Variants in XKR9 observed in about 807,000 individuals in gnomAD.
The protein encoded by XKR9 is XK-related protein 9.
A neutral mutation model predicts 32.0 loss-of-function variants in XKR9; 32 were observed. The observed-to-expected ratio is 1.00, with a 90% CI of 0.76 to 1.34. The LOEUF is 1.34. Among genes scored for constraint, XKR9 ranks in the 40% most tolerant of loss-of-function variants. The pLI is 0.00. For synonymous variants in XKR9, 168 were observed against 143.4 expected (o/e 1.17, Z -1.22); for missense variants, 546 against 429.7 (o/e 1.27, Z -2.39).
At chr8:71,044,127 A>G in the XKR9 span, among the ~76,000 whole-genome samples, 1 of 152,228 alleles carries the variant, frequency 6.6e-6, no homozygotes, top group African/African-American at 2.4e-5. Flanking sequence ...ACATATGCTT[A>G]TGCCTCTAGG....
intron 4 of XKR9, among the ~76,000 whole-genome samples, chr8:70,712,763 C>T (rs1440253016): frequency 6.6e-6 from 1 of 152,122 alleles, no homozygotes. Context: ...AAAAGACAAG[C>T]CATGAATATA....
chr8:71,061,222 G>A, the XKR9 span, among the ~76,000 whole-genome samples: 2 of 152,272 alleles, frequency 1.3e-5, no homozygotes, highest in African/African-American at 4.8e-5. Flanking sequence ...TAGTGTCTGT[G>A]CTCTTCCTAC....
chr8:70,935,101 G>GTATATATATA, the XKR9 span, among the ~76,000 whole-genome samples: 163 of 138,992 alleles, frequency 1.2e-3, 1 homozygote, highest in Middle Eastern at 7.4e-3. Context: ...TGTTTCTTCA[G>GTATATATATA]TATATATATA....
At chr8:70,777,257 TCATC>T (rs1168283841) in intron 2 of XKR9, among the ~76,000 whole-genome samples, 1 of 152,082 alleles carries the variant, frequency 6.6e-6, no homozygotes, top group Non-Finnish European at 1.5e-5. Context: ...GTTTCCAGCT[TCATC>T]CATGTCCCTG....
the XKR9 span, among the ~76,000 whole-genome samples, chr8:70,934,344 C>T: frequency 9.2e-5 from 14 of 151,894 alleles, no homozygotes; most frequent in Admixed American, 8.5e-4. Context: ...GGCTGATGTT[C>T]ATATTTTTAA....
intron 2 of XKR9, among the ~76,000 whole-genome samples, chr8:70,780,488 A>G (rs1306943001): frequency 6.6e-6 from 1 of 152,060 alleles, no homozygotes; most frequent in African/African-American, 2.4e-5. Context: ...TGACTTATGT[A>G]CTATATAGAA....
the XKR9 span, among the ~76,000 whole-genome samples, chr8:70,799,665 T>C: frequency 6.6e-6 from 1 of 151,902 alleles, no homozygotes; most frequent in Non-Finnish European, 1.5e-5. Context: ...CTCAGTTTGG[T>C]TGTTGTTGGT....
At chr8:70,813,368 G>A in the XKR9 span, among the ~76,000 whole-genome samples, 15 of 152,100 alleles carry the variant, frequency 9.9e-5, no homozygotes, top group African/African-American at 3.6e-4. Context: ...TACCATTCAG[G>A]ACATAGGCAT....
chr8:70,696,976 T>G (rs1040485257), intron 3 of XKR9, among the ~76,000 whole-genome samples: 2 of 151,582 alleles, frequency 1.3e-5, no homozygotes, highest in Admixed American at 1.3e-4. Context: ...ATGATTTGGC[T>G]CTCTGTTTGT....
At chr8:70,954,599 G>A in the XKR9 span, among the ~76,000 whole-genome samples, 1 of 152,178 alleles carries the variant, frequency 6.6e-6, no homozygotes, top group Non-Finnish European at 1.5e-5. Context: ...AGGATCTGAG[G>A]TTAGTGATCC....
chr8:70,935,433 C>T, the XKR9 span, among the ~76,000 whole-genome samples: 23 of 151,802 alleles, frequency 1.5e-4, no homozygotes, highest in Admixed American at 2.6e-4. Flanking sequence ...GCATATTTTG[C>T]ATTTCAGTAG....
At chr8:70,855,399 G>A in the XKR9 span, among the ~76,000 whole-genome samples, 1 of 152,130 alleles carries the variant, frequency 6.6e-6, no homozygotes, top group Non-Finnish European at 1.5e-5. Flanking sequence ...CGAAATGAAT[G>A]AAATGAAGCA....
chr8:70,696,138 T>A (rs947006887), intron 3 of XKR9, among the ~76,000 whole-genome samples: 11 of 152,106 alleles, frequency 7.2e-5, no homozygotes, highest in Admixed American at 4.6e-4. Context: ...AGGTTGCCTG[T>A]TCACTCTGAT....
intron 2 of XKR9, among the ~76,000 whole-genome samples, chr8:70,758,689 G>C (rs1204827123): frequency 6.6e-6 from 1 of 152,194 alleles, no homozygotes; most frequent in African/African-American, 2.4e-5. Context: ...CCTGTATTTA[G>C]ACATTGCTCT....
At chr8:70,779,754 A>G (rs1226767426) in intron 2 of XKR9, among the ~76,000 whole-genome samples, 1 of 152,124 alleles carries the variant, frequency 6.6e-6, no homozygotes, top group Non-Finnish European at 1.5e-5. Context: ...AGGTGTTTAT[A>G]GTATTCTCTG....
chr8:70,864,505 C>A, the XKR9 span, among the ~76,000 whole-genome samples: 1 of 152,170 alleles, frequency 6.6e-6, no homozygotes, highest in East Asian at 1.9e-4. Context: ...TAAAACTTCA[C>A]ATAAAAGCCT....
the XKR9 span, among the ~76,000 whole-genome samples, chr8:71,030,331 TA>T: frequency 2.7e-4 from 41 of 152,314 alleles, no homozygotes; most frequent in African/African-American, 9.6e-4. Context: ...AATTTTCTCA[TA>T]TTTTTTATAT....
At chr8:71,007,993 G>A in the XKR9 span, among the ~76,000 whole-genome samples, 384 of 151,580 alleles carry the variant, frequency 2.5e-3, 3 homozygotes, top group African/African-American at 8.7e-3. Flanking sequence ...GACAAATAAA[G>A]CAAAGAATAA....
the XKR9 span, among the ~76,000 whole-genome samples, chr8:70,953,810 T>C: frequency 6.6e-6 from 1 of 152,166 alleles, no homozygotes; most frequent in Non-Finnish European, 1.5e-5. Flanking sequence ...CTCACTGTCT[T>C]GGCCTCTGGC....
Sources: gnomAD v4.1 joint callset for allele counts (sites outside exome capture counted in the v4.1 genomes callset) on GRCh38, gnomAD v4.1.1 for gene constraint, MANE v1.5 for transcripts, NCBI Gene and HGNC (gene_info 2026-07-23, HGNC 2026-07-21) for gene names.